The following NEXMIF variants were observed in gnomAD, a reference collection of about 807,000 sequenced individuals.
The protein encoded by NEXMIF is neurite extension and migration factor.
In NEXMIF, 8 loss-of-function variants were observed where a neutral mutation model predicts 62.1. The ratio of observed to expected loss-of-function variants is 0.13; its 90% CI spans 0.08 to 0.23. The LOEUF is 0.23. NEXMIF is among the 10% of genes least tolerant of loss of function. The pLI, the probability that NEXMIF is intolerant of heterozygous loss-of-function variation, is 1.00. For synonymous variants in NEXMIF, 404 were observed against 416.6 expected, an observed-to-expected ratio of 0.97 and a Z score of 0.37; for missense variants, 976 against 1,113.3, an observed-to-expected ratio of 0.88 and a Z score of 1.75.
At chrX:74,841,273 C>T (rs1301242036) in intron 1 of NEXMIF, among the ~76,000 whole-genome samples, 2 of 111,267 alleles carry the variant, frequency 1.8e-5, no homozygotes, top group African/African-American at 6.5e-5. Context: ...ATTTGGCTCT[C>T]GGTCTGGCTG....
intron 1 of NEXMIF, among the ~76,000 whole-genome samples, chrX:74,866,365 C>A (rs753846663): frequency 8.9e-6 from 1 of 112,123 alleles, no homozygotes; most frequent in South Asian, 3.7e-4. Flanking sequence ...CCAATGCCTG[C>A]ACACCCATTG....
intron 1 of NEXMIF, among the ~76,000 whole-genome samples, chrX:74,793,189 A>G (rs1482389639): frequency 4.5e-5 from 5 of 110,662 alleles, no homozygotes; most frequent in African/African-American, 1.3e-4. Flanking sequence ...AAAATCTCTC[A>G]GCATTTGCTT....
At chrX:74,905,021 T>G (rs1266870138) in intron 1 of NEXMIF, among the ~76,000 whole-genome samples, 3 of 111,589 alleles carry the variant, frequency 2.7e-5, no homozygotes, top group Non-Finnish European at 1.9e-5. Context: ...ATCAATTGGT[T>G]GGATTTTCCA....
intron 1 of NEXMIF, among the ~76,000 whole-genome samples, chrX:74,906,607 A>C (rs1039933878): frequency 1.8e-5 from 2 of 110,284 alleles, no homozygotes; most frequent in African/African-American, 6.6e-5. Flanking sequence ...GGCTGTTATA[A>C]CACCACAAAT....
At chrX:74,781,350 T>C (rs917707448) in intron 1 of NEXMIF, among the ~76,000 whole-genome samples, 3 of 112,350 alleles carry the variant, frequency 2.7e-5, no homozygotes, top group Non-Finnish European at 5.6e-5. Flanking sequence ...TTTTGTCTAT[T>C]GCCAAATGTG....
At chrX:74,825,179 G>A (rs1021886250) in intron 1 of NEXMIF, among the ~76,000 whole-genome samples, 5 of 110,860 alleles carry the variant, frequency 4.5e-5, no homozygotes, top group African/African-American at 1.6e-4. Flanking sequence ...CTTTTCTGTT[G>A]GCCATTTTTA....
rs981927256 is a variant in NEXMIF at position 74,740,677 on chromosome X, T to G, written c.3880A>C (p.Ser1294Arg). ...ALGKESSPGWSDMSMGTNTNS... is the reference protein window; with the variant it reads ...ALGKESSPGWRDMSMGTNTNS... ...GTGTTGGTGCCCATGCTCATATCAC[T>G]CCAGCCTGGGCTGCTCTCCTTCCCC... Residue 1294 changes from serine (S) to arginine (R), a missense_variant, in exon 3 of 4, where the codon AGT (serine) becomes CGT (arginine). Around this residue, in one of 5 missense-constraint regions of NEXMIF, gnomAD observed 29 missense variants for 56.5 expected, o/e 0.51. Transcript: ENST00000055682. 40 of 1,210,268 alleles carry G rather than the reference T, an allele frequency of 3.3e-5. No individual in the cohort carries two copies. Among genetic ancestry groups the G allele is most frequent in the Non-Finnish European group, 4.4e-5 (39 of 895,128 alleles).
chrX:74,805,010 T>C (rs767032983), intron 1 of NEXMIF, among the ~76,000 whole-genome samples: 5 of 112,186 alleles, frequency 4.5e-5, no homozygotes, highest in Non-Finnish European at 9.4e-5. Context: ...GGTTTTGCTT[T>C]CTGCTGTGAT....
Position 74,900,474 on chromosome X carries a change from A to AAAAAAAAAAAAAAAAAAG in NEXMIF, c.-48+24408_-48+24409insCTTTTTTTTTTTTTTTTT, listed in dbSNP as rs776919178. The stretch of plus-strand genomic sequence containing the variant: ...TGAGACTCCGTCTCAAAAAAAAAAA[A>AAAAAAAAAAAAAAAAAAG]AAAAAGAAAAAGAAAAAGAAAAAGG... On this transcript the variant is annotated intron_variant, in intron 1 of 3. Transcript: ENST00000055682. 2.8e-5 allele frequency among the ~76,000 whole-genome samples: 3 copies of AAAAAAAAAAAAAAAAAAG among 105,989 alleles called. No homozygotes were observed. In the East Asian group the frequency reaches 1.1e-3, roughly 39 times the overall value. 92.0% of individuals were successfully genotyped at this position (105,989 alleles called of 115,157 possible). A position where few individuals can be genotyped will look rare whatever the true frequency, so the allele number is the denominator to read the frequency against.
intron 1 of NEXMIF, among the ~76,000 whole-genome samples, chrX:74,747,934 G>A (rs1354556179): frequency 8.9e-6 from 1 of 112,137 alleles, no homozygotes; most frequent in East Asian, 2.8e-4. Flanking sequence ...GTCTTTTCAG[G>A]CAGGACAAGA....
At chrX:74,796,236 A>ATATACACATATATATTATATATAT (rs2080310241) in intron 1 of NEXMIF, among the ~76,000 whole-genome samples, 2 of 58,572 alleles carry the variant, frequency 3.4e-5, no homozygotes, top group African/African-American at 1.3e-4. Context: ...TATAATATAT[A>ATATACACATATATATTATATATAT]TATATATACA....
intron 1 of NEXMIF, among the ~76,000 whole-genome samples, chrX:74,768,028 G>A (rs746131904): frequency 1.8e-5 from 2 of 111,180 alleles, no homozygotes; most frequent in South Asian, 3.9e-4. Flanking sequence ...TGGGAAGCCC[G>A]GATATCTAAA....
intron 1 of NEXMIF, among the ~76,000 whole-genome samples, chrX:74,902,770 G>C (rs2080753071): frequency 8.9e-6 from 1 of 112,064 alleles, no homozygotes; most frequent in South Asian, 3.8e-4. Context: ...ACCTGTTTAG[G>C]TGTGGGCCTT....
In NEXMIF at chrX:74,744,127, G is replaced by A. The variant is rs760380696; in HGVS notation, c.430C>T (p.Arg144Trp). The A allele has an allele frequency of 9.9e-6, 12 of 1,209,683 alleles. No homozygotes were observed. The highest frequency in any genetic ancestry group is 3.0e-5 in the East Asian group (1 of 33,760). Reference sequence around the variant, plus strand: ...TCCATGAAGCAGCCTAAGCAAGTCCGACTTGGCTGCATGAGACAGTCCCCA... The same window carrying A: ...TCCATGAAGCAGCCTAAGCAAGTCCAACTTGGCTGCATGAGACAGTCCCCA... Reference protein sequence around the residue: ...LNGDCLMQPSRTCLGCFMESK... With the variant: ...LNGDCLMQPSWTCLGCFMESK... Residue 144 changes from arginine to tryptophan, a missense_variant, in exon 3 of 4, where the codon CGG becomes TGG. Arg to Trp is a moderately radical substitution (Grantham distance 101, BLOSUM62 -3). Coordinates refer to ENST00000055682, the MANE Select transcript of NEXMIF (RefSeq NM_001008537.3).
chrX:74,857,505 A>T (rs992664375), intron 1 of NEXMIF, among the ~76,000 whole-genome samples: 2 of 112,185 alleles, frequency 1.8e-5, no homozygotes, highest in African/African-American at 6.5e-5. Context: ...CTGAATAACC[A>T]GTAGTGATAC....
chrX:74,809,386 G>A (rs1384765798), intron 1 of NEXMIF, among the ~76,000 whole-genome samples: 1 of 112,206 alleles, frequency 8.9e-6, no homozygotes, highest in Non-Finnish European at 1.9e-5. Context: ...AATATGAGCT[G>A]CAATCTGTCA....
At chrX:74,744,884 CT>C (rs2080120724) in intron 2 of NEXMIF, among the ~76,000 whole-genome samples, 1 of 106,482 alleles carries the variant, frequency 9.4e-6, no homozygotes, top group South Asian at 4.5e-4. Context: ...CTACAAGTTC[CT>C]TTTCTTTTCT....
intron 1 of NEXMIF, among the ~76,000 whole-genome samples, chrX:74,863,635 T>A (rs938582899): frequency 3.6e-5 from 4 of 110,086 alleles, no homozygotes; most frequent in African/African-American, 1.3e-4. Context: ...TAGTAATAAA[T>A]AAAAGCCCAG....
chrX:74,836,607 C>T (rs1337663526), intron 1 of NEXMIF, among the ~76,000 whole-genome samples: 3 of 111,124 alleles, frequency 2.7e-5, no homozygotes, highest in Non-Finnish European at 5.7e-5. Context: ...GGAATAAGGG[C>T]CTCACGACTC....
Sources: allele counts gnomAD v4.1 joint callset (sites outside exome capture counted in the v4.1 genomes callset), GRCh38; gene constraint gnomAD v4.1.1; regional missense constraint gnomAD v4.1.1; transcripts MANE v1.5; gene names NCBI Gene and HGNC (gene_info 2026-07-23, HGNC 2026-07-21).